The following STPG2 variants were observed in gnomAD, a reference collection of about 807,000 sequenced individuals.
The protein encoded by STPG2 is sperm-tail PG-rich repeat-containing protein 2.
STPG2 carries 56 observed loss-of-function variants against 54.2 expected under a neutral mutation model. The observed-to-expected ratio is 1.03, with a 90% CI of 0.83 to 1.29. STPG2 has a LOEUF of 1.29. Among genes scored for constraint, STPG2 ranks in the 50% most tolerant of loss-of-function variants. The pLI, the probability that STPG2 is intolerant of heterozygous loss-of-function variation, is 0.00. For missense variants in STPG2, 596 were observed against 544.9 expected (o/e 1.09, Z -0.93); for synonymous variants, 200 against 181.8 (o/e 1.10, Z -0.81).
intron 5 of STPG2, among the ~76,000 whole-genome samples, chr4:98,059,226 C>A (rs1490067088): frequency 6.6e-6 from 1 of 151,952 alleles, no homozygotes; most frequent in Non-Finnish European, 1.5e-5. Flanking sequence ...CCTTTGTGCA[C>A]ACAAACTAGA....
In STPG2 at chr4:98,130,622, G is replaced by A. The variant is rs191274843; in HGVS notation, c.223-2030C>T. Among the ~76,000 whole-genome samples, 602 of 151,856 alleles carry A rather than the reference G, an allele frequency of 4.0e-3. 7 individuals are homozygous for A. The highest frequency in any genetic ancestry group is 6.3e-3 in the Non-Finnish European group (431 of 67,922). ...TATATTTAAAAAGAATTTGTGTGAT[G>A]TCAAAACTTTCCAAAATAGGCCAGG... On this transcript the variant is annotated intron_variant, in intron 2 of 10. Coordinates refer to ENST00000295268, the MANE Select transcript of STPG2 (RefSeq NM_174952.3).
At chr4:97,654,288 A>C (rs1722159690) in intron 10 of STPG2, among the ~76,000 whole-genome samples, 1 of 152,196 alleles carries the variant, frequency 6.6e-6, no homozygotes, top group Non-Finnish European at 1.5e-5. Flanking sequence ...TCACCAAGCA[A>C]TACACATTTT....
At chr4:97,958,939 T>G (rs1733786881) in intron 7 of STPG2, among the ~76,000 whole-genome samples, 1 of 152,182 alleles carries the variant, frequency 6.6e-6, no homozygotes, top group East Asian at 1.9e-4. Context: ...CATCAGCACA[T>G]GCAATGTTCT....
At chr4:97,574,225 AG>A (rs1354510203) in intron 10 of STPG2, among the ~76,000 whole-genome samples, 1 of 152,130 alleles carries the variant, frequency 6.6e-6, no homozygotes, top group African/African-American at 2.4e-5. Flanking sequence ...GTTAAAAAAA[AG>A]TCACTTCTAG....
chr4:97,501,015 C>T (rs1460060979), intron 4 of STPG2, among the ~76,000 whole-genome samples: 3 of 151,960 alleles, frequency 2.0e-5, no homozygotes, highest in African/African-American at 4.8e-5. Flanking sequence ...TTTTCTACTG[C>T]TGGGATCATC....
intron 8 of STPG2, among the ~76,000 whole-genome samples, chr4:97,851,615 C>T (rs191226199): frequency 2.5e-3 from 375 of 152,210 alleles, no homozygotes; most frequent in Non-Finnish European, 4.3e-3. Context: ...AAGGTGGATA[C>T]AATTTATAAT....
At chr4:97,997,379 G>A (rs911439158) in intron 5 of STPG2, among the ~76,000 whole-genome samples, 3 of 152,200 alleles carry the variant, frequency 2.0e-5, no homozygotes, top group African/African-American at 7.2e-5. Flanking sequence ...GGCAAAGGGG[G>A]AGTAGGCACT....
intron 9 of STPG2, among the ~76,000 whole-genome samples, chr4:97,730,165 C>T (rs764314799): frequency 6.6e-6 from 1 of 152,136 alleles, no homozygotes; most frequent in Non-Finnish European, 1.5e-5. Flanking sequence ...CTCACTGCCT[C>T]GTCTTGTATT....
Position 97,550,626 on chromosome 4 carries a change from G to A in STPG2, c.462+162073C>T, listed in dbSNP as rs576148844. On this transcript the variant is annotated intron_variant, in intron 4 of 4. Transcript: ENST00000522676. ...CTGTGTCCAGAATTGGTTCCTTCCGGTGGGTTCTTGGTCTCGCTAACTTCA... is the reference window on the plus strand; with the variant it reads ...CTGTGTCCAGAATTGGTTCCTTCCGATGGGTTCTTGGTCTCGCTAACTTCA... Among the ~76,000 whole-genome samples, 10 of 152,244 alleles carry A rather than the reference G, an allele frequency of 6.6e-5. No individual in the cohort carries two copies. In the East Asian group the frequency reaches 1.9e-3, roughly 29 times the overall value.
chr4:97,486,026 T>G (rs895035376), intron 4 of STPG2, among the ~76,000 whole-genome samples: 3 of 151,794 alleles, frequency 2.0e-5, no homozygotes, highest in Admixed American at 6.6e-5. Context: ...ATCTCTAACC[T>G]TACACAAAAA....
chr4:97,923,081 A>G (rs1232485121), intron 8 of STPG2, among the ~76,000 whole-genome samples: 1 of 152,252 alleles, frequency 6.6e-6, no homozygotes, highest in Non-Finnish European at 1.5e-5. Context: ...TTGAGAGGTG[A>G]CAGCGTGCTG....
chr4:97,630,520 AAAT>A (rs1389749420), intron 10 of STPG2, among the ~76,000 whole-genome samples: 1 of 151,900 alleles, frequency 6.6e-6, no homozygotes, highest in Non-Finnish European at 1.5e-5. Context: ...TAATCATAGA[AAAT>A]AATTTTAGCA....
chr4:97,874,712 C>T (rs777274071), intron 8 of STPG2, among the ~76,000 whole-genome samples: 5 of 151,744 alleles, frequency 3.3e-5, no homozygotes, highest in Non-Finnish European at 7.4e-5. Flanking sequence ...ATCCTATGGA[C>T]TCAATGTGCC....
At chr4:98,052,710 G>A (rs2149315005) in intron 5 of STPG2, among the ~76,000 whole-genome samples, 1 of 152,274 alleles carries the variant, frequency 6.6e-6, no homozygotes, top group East Asian at 1.9e-4. Flanking sequence ...TGACTAGAAA[G>A]CATTAAATAA....
chr4:97,986,887 T>C (rs1056783203), intron 5 of STPG2, among the ~76,000 whole-genome samples: 2 of 152,182 alleles, frequency 1.3e-5, no homozygotes, highest in African/African-American at 4.8e-5. Context: ...GACCATTACC[T>C]GGGATTGAGA....
chr4:98,030,901 A>G (rs1248289684), intron 5 of STPG2, among the ~76,000 whole-genome samples: 1 of 152,146 alleles, frequency 6.6e-6, no homozygotes, highest in African/African-American at 2.4e-5. Flanking sequence ...TAGATTAAAG[A>G]CTTAAATTTT....
intron 9 of STPG2, among the ~76,000 whole-genome samples, chr4:97,722,768 T>G (rs917244451): frequency 1.3e-5 from 2 of 151,572 alleles, no homozygotes; most frequent in Non-Finnish European, 2.9e-5. Context: ...CATCATAAAT[T>G]TCTTTAGTCC....
chr4:97,851,595 G>A (rs1361429361), intron 8 of STPG2, among the ~76,000 whole-genome samples: 1 of 152,066 alleles, frequency 6.6e-6, no homozygotes, highest in Non-Finnish European at 1.5e-5. Context: ...AGATGTTCCT[G>A]TTTCTAATAA....
At chr4:98,039,229 T>C (rs956626397) in intron 5 of STPG2, among the ~76,000 whole-genome samples, 3 of 151,764 alleles carry the variant, frequency 2.0e-5, no homozygotes, top group African/African-American at 4.8e-5. Flanking sequence ...AGTATGTATA[T>C]ATATAAATGA....
Sources: allele counts gnomAD v4.1 joint callset (sites outside exome capture counted in the v4.1 genomes callset), GRCh38; gene constraint gnomAD v4.1.1; transcripts MANE v1.5; gene names NCBI Gene and HGNC (gene_info 2026-07-23, HGNC 2026-07-21).